Variants in DCAF13 observed in about 807,000 individuals in gnomAD.
The protein encoded by DCAF13 is DDB1- and CUL4-associated factor 13.
A neutral mutation model predicts 59.0 loss-of-function variants in DCAF13; 38 were observed. The ratio of observed to expected loss-of-function variants is 0.64; its 90% CI spans 0.50 to 0.84. The LOEUF (loss-of-function observed/expected upper bound fraction) is 0.84, where lower values mean the gene tolerates loss of function less well. Ranked by LOEUF, DCAF13 falls within the 40% of genes least tolerant of loss-of-function variation. The pLI, the probability that DCAF13 is intolerant of heterozygous loss-of-function variation, is 0.00. For synonymous variants in DCAF13, 173 were observed against 175.0 expected (o/e 0.99, Z 0.09); for missense variants, 469 against 558.4 (o/e 0.84, Z 1.61).
chr8:103,440,301 T>C, intron 9 of DCAF13, 30 bp downstream of exon 9: 1 of 1,518,110 alleles, frequency 6.6e-7, no homozygotes, highest in Non-Finnish European at 8.8e-7. Context: ...TTCATTGTCA[T>C]AAAGCTGATT....
chr8:103,429,666 A>G (rs1816835336), intron 5 of DCAF13: 1 of 151,400 alleles, frequency 6.6e-6, no homozygotes, highest in Admixed American at 6.6e-5. Flanking sequence ...GACAAAAGAC[A>G]GGCCTAATTT....
intron 3 of DCAF13, among the ~76,000 whole-genome samples, chr8:103,425,203 G>A (rs1277333967): frequency 1.3e-5 from 2 of 152,152 alleles, no homozygotes; most frequent in Admixed American, 6.6e-5. Flanking sequence ...AAGATTTTAA[G>A]TTAAAACTAG....
chr8:103,420,733 C>T (rs1454500692), intron 2 of DCAF13: 11 of 579,808 alleles, frequency 1.9e-5, no homozygotes, highest in African/African-American at 1.3e-4. Context: ...ATGTTGTCAA[C>T]ACCTAATTTC....
chr8:103,417,759 G>T (rs1816642246), intron 1 of DCAF13, among the ~76,000 whole-genome samples: 1 of 151,902 alleles, frequency 6.6e-6, no homozygotes, highest in Non-Finnish European at 1.5e-5. Flanking sequence ...AAAGTTTGAA[G>T]ACTACTATAT....
At chr8:103,424,458 C>G (rs1317048929) in intron 3 of DCAF13, among the ~76,000 whole-genome samples, 3 of 152,142 alleles carry the variant, frequency 2.0e-5, no homozygotes, top group African/African-American at 7.2e-5. Context: ...CTTTTATTAC[C>G]TAAAACTTCA....
intron 7 of DCAF13, among the ~76,000 whole-genome samples, chr8:103,434,097 GA>G (rs1031729582): frequency 1.1e-4 from 17 of 151,978 alleles, no homozygotes; most frequent in African/African-American, 4.1e-4. Flanking sequence ...ATTGCTCTTT[GA>G]AAATGATCTT....
At chr8:103,422,169 G>A (rs1816730638) in intron 3 of DCAF13, among the ~76,000 whole-genome samples, 1 of 152,166 alleles carries the variant, frequency 6.6e-6, no homozygotes, top group South Asian at 2.1e-4. Flanking sequence ...CTGGGAAGAG[G>A]TTGGTTCCTG....
Position 103,432,651 on chromosome 8 carries a change from T to A in DCAF13, c.703-8T>A. 2 of 1,556,706 alleles carry A rather than the reference T, an allele frequency of 1.3e-6. No individual in the cohort carries two copies. Among genetic ancestry groups the A allele is most frequent in the Non-Finnish European group, 1.8e-6 (2 of 1,133,694 alleles). On this transcript the variant is annotated splice_region_variant and splice_polypyrimidine_tract_variant and intron_variant, in intron 6 of 10. Transcript: ENST00000612750. ...AAGTGGGAAATTCATCCATTCTTCC[T>A]TTCTCAGGTTATCTTAGATATGAGA...
intron 7 of DCAF13, 142 bp from the exon 8 acceptor site, chr8:103,435,484 C>CA: frequency 1.8e-6 from 1 of 555,654 alleles, no homozygotes; most frequent in South Asian, 3.8e-5. Context: ...CCTTATCCCT[C>CA]ACCTGCTTGT....
rs762519951 is a variant in DCAF13, at chr8:103,426,073, T to C, written c.396T>C (p.Thr132=). ...TSFFTVGDDK[T]VKQWKMDGPG... ...ATTTCTAGGTTGGTGATGACAAAAC[T>C]GTGAAGCAGTGGAAAATGGATGGGC... The change falls in exon 4 of 11, where the codon ACT becomes ACC. Residue 132 remains threonine, a synonymous_variant. Coordinates refer to ENST00000612750, the MANE Select transcript of DCAF13 (RefSeq NM_015420.7). 6 of 1,612,558 alleles carry C rather than the reference T, an allele frequency of 3.7e-6. No individual in the cohort carries two copies. The highest frequency in any genetic ancestry group is 4.5e-5 in the East Asian group (2 of 44,762).
At chr8:103,421,364 C>A in intron 3 of DCAF13, 2 of 487,052 alleles carry the variant, frequency 4.1e-6, no homozygotes, top group Admixed American at 3.2e-5. Context: ...ATTTTTGATG[C>A]TAAGATGAGT....
rs115710822 is a variant in DCAF13 at position 103,426,883 on chromosome 8, C to T, written c.469-214C>T. On this transcript the variant is annotated intron_variant, in intron 4 of 10. Transcript: ENST00000612750. ...TAGAGATAATTTGTAGTTGGAAACACGTTAGTAATTTCTAAAACAAAATTG... is the reference window on the plus strand; with the variant it reads ...TAGAGATAATTTGTAGTTGGAAACATGTTAGTAATTTCTAAAACAAAATTG... 4.9e-3 allele frequency among the ~76,000 whole-genome samples: 746 copies of T among 152,096 alleles called. 13 individuals carry two copies. Among genetic ancestry groups the T allele is most frequent in the African/African-American group, 0.015 (635 of 41,516 alleles).
chr8:103,426,181 A>G (rs776931410), intron 4 of DCAF13, 36 bp downstream of exon 4: 18 of 1,228,934 alleles, frequency 1.5e-5, no homozygotes, highest in Admixed American at 1.3e-4. Flanking sequence ...TTGCCTATTA[A>G]CATTCTTTTA....
chr8:103,422,168 G>A (rs1816730571), intron 3 of DCAF13, among the ~76,000 whole-genome samples: 1 of 152,178 alleles, frequency 6.6e-6, no homozygotes, highest in Non-Finnish European at 1.5e-5. Context: ...CCTGGGAAGA[G>A]GTTGGTTCCT....
At chr8:103,415,776 G>A (rs1465461381) in intron 1 of DCAF13, among the ~76,000 whole-genome samples, 1 of 152,216 alleles carries the variant, frequency 6.6e-6, no homozygotes, top group Non-Finnish European at 1.5e-5. Flanking sequence ...AAAAATTCCA[G>A]CTGCTGCTCT....
At position 103,441,527 on chromosome 8, in the gene DCAF13, A is replaced by T. The variant is rs1476405602; in HGVS notation, c.1159A>T (p.Ile387Leu). The change falls in exon 10 of 11, where the codon ATA (isoleucine) becomes TTA (leucine). Residue 387 changes from isoleucine to leucine, a missense_variant. Ile to Leu is a conservative substitution (Grantham distance 5). Coordinates refer to ENST00000612750, the MANE Select transcript of DCAF13 (RefSeq NM_015420.7). ...GGAGAAATTTCAGCATTATCCTCAT[A>T]TAAAACGTATAGCTCGTCATCGACA... ...LKEKFQHYPH[I>L]KRIARHRHLP... The T allele has an allele frequency of 6.2e-7, 1 of 1,608,550 alleles. No individual in the cohort carries two copies. Among genetic ancestry groups the T allele is most frequent in the African/African-American group, 1.3e-5 (1 of 74,648 alleles).
rs1314628758 is a variant in DCAF13, at chr8:103,421,086, A to G, written c.378+4A>G. The G allele has an allele frequency of 1.9e-6, 3 of 1,546,206 alleles. No individual in the cohort carries two copies. In the East Asian group the frequency reaches 6.7e-5, roughly 35 times the overall value. On this transcript the variant is annotated splice_donor_region_variant and intron_variant, in intron 3 of 10. Transcript: ENST00000612750. ...TTGTGGGACTTCTTTTTTCACTGTA[A>G]GTATAATACCATTAAGTCATTAAAT...
At chr8:103,439,009 C>CT (rs1167912420) in intron 8 of DCAF13, among the ~76,000 whole-genome samples, 3 of 151,840 alleles carry the variant, frequency 2.0e-5, no homozygotes, top group African/African-American at 4.8e-5. Flanking sequence ...TTAAATGATT[C>CT]TTTTTTTTCT....
chr8:103,430,804 A>G (rs1182769767), intron 6 of DCAF13, 115 bp downstream of exon 6: 6 of 705,770 alleles, frequency 8.5e-6, no homozygotes, highest in South Asian at 2.3e-5. Flanking sequence ...AATCTTTTAT[A>G]CAGGTGTTCT....
Sources: gnomAD v4.1 joint callset for allele counts (sites outside exome capture counted in the v4.1 genomes callset) on GRCh38, gnomAD v4.1.1 for gene constraint, MANE v1.5 for transcripts, NCBI Gene and HGNC (gene_info 2026-07-23, HGNC 2026-07-21) for gene names.